The following CDIN1 variants were observed in gnomAD, a reference collection of about 807,000 sequenced individuals.
The protein encoded by CDIN1 is CDAN1-interacting nuclease 1.
A neutral mutation model predicts 45.3 loss-of-function variants in CDIN1; 33 were observed. That is an observed-to-expected ratio of 0.73 (90% CI 0.55 to 0.97). The LOEUF (loss-of-function observed/expected upper bound fraction) is 0.97. Ranked by LOEUF, CDIN1 falls within the 50% of genes least tolerant of loss-of-function variation. The probability of loss-of-function intolerance (pLI) is 0.00; values close to 1 mark genes in which losing one functional copy is unlikely to be tolerated. For synonymous variants in CDIN1, 118 were observed against 124.4 expected, an observed-to-expected ratio of 0.95 and a Z score of 0.34; for missense variants, 303 against 339.4, an observed-to-expected ratio of 0.89 and a Z score of 0.84.
At chr15:36,772,387 C>T (rs1024509286) in intron 10 of CDIN1, among the ~76,000 whole-genome samples, 2 of 152,150 alleles carry the variant, frequency 1.3e-5, no homozygotes, top group African/African-American at 4.8e-5. Flanking sequence ...ACATAATGTA[C>T]AATATTTATA....
chr15:36,674,405 A>G (rs995870821), intron 5 of CDIN1, among the ~76,000 whole-genome samples: 50 of 152,156 alleles, frequency 3.3e-4, no homozygotes, highest in African/African-American at 1.0e-3. Flanking sequence ...GGTCCTTCAT[A>G]GAAAGGAAAA....
chr15:36,739,111 G>T (rs1410820988), intron 10 of CDIN1, among the ~76,000 whole-genome samples: 2 of 152,204 alleles, frequency 1.3e-5, no homozygotes, highest in Non-Finnish European at 1.5e-5. Context: ...AAGAAAACAA[G>T]GCTGGGTGCA....
rs2140451280 is a variant in CDIN1 at position 36,654,107 on chromosome 15, T to A, written c.222T>A (p.Asn74Lys). The A allele has an allele frequency of 1.3e-6, 2 of 1,578,590 alleles. No homozygotes were observed. Among genetic ancestry groups the A allele is most frequent in the African/African-American group, 1.3e-5 (1 of 74,622 alleles). Reference sequence around the variant, plus strand: ...GCTTTGTCTTGTCTAGGTACCTGAATGGAGTGGTGAAAAATGGAGCTGCCC... The same window carrying A: ...GCTTTGTCTTGTCTAGGTACCTGAAAGGAGTGGTGAAAAATGGAGCTGCCC... Reference protein sequence around the residue: ...AIESYYQRYLNGVVKNGAAPV... With the variant: ...AIESYYQRYLKGVVKNGAAPV... Residue 74 changes from asparagine (N) to lysine (K), a missense_variant, in exon 4 of 11, where the codon AAT (asparagine) becomes AAA (lysine). By Grantham distance (94) the Asn-to-Lys change is moderately conservative. Coordinates refer to ENST00000566621, the MANE Select transcript of CDIN1 (RefSeq NM_001321759.2).
chr15:36,640,933 C>T (rs890676714), intron 1 of CDIN1, among the ~76,000 whole-genome samples: 1 of 152,144 alleles, frequency 6.6e-6, no homozygotes, highest in African/African-American at 2.4e-5. Context: ...AAATAGTACC[C>T]CGTTAATGTT....
chr15:36,760,647 C>G (rs1161795844), intron 10 of CDIN1, among the ~76,000 whole-genome samples: 1 of 152,194 alleles, frequency 6.6e-6, no homozygotes, highest in Non-Finnish European at 1.5e-5. Flanking sequence ...CATCCCGCAC[C>G]TGAGGCCTCC....
chr15:36,599,037 C>T (rs557579846), intron 1 of CDIN1, among the ~76,000 whole-genome samples: 16 of 151,058 alleles, frequency 1.1e-4, no homozygotes, highest in Admixed American at 2.0e-4. Flanking sequence ...TTCTTGCTAA[C>T]TTTCTGATGT....
intron 1 of CDIN1, chr15:36,617,075 G>A (rs2140296062): frequency 1.3e-6 from 1 of 783,920 alleles, no homozygotes; most frequent in Non-Finnish European, 2.4e-6. Context: ...CGATTGGGCC[G>A]AGCAGAGGAC....
chr15:36,691,263 A>T (rs1250638806), intron 5 of CDIN1: 2 of 502,220 alleles, frequency 4.0e-6, no homozygotes, highest in South Asian at 2.9e-5. Context: ...GAGTTTAGTG[A>T]AGACAGGTCA....
intron 5 of CDIN1, chr15:36,669,120 G>A (rs2041355471): frequency 6.6e-6 from 1 of 152,030 alleles, no homozygotes. Flanking sequence ...AATTAATTAT[G>A]GTCTTATGAA....
chr15:36,675,315 G>C (rs1351023980), intron 5 of CDIN1, among the ~76,000 whole-genome samples: 2 of 152,068 alleles, frequency 1.3e-5, no homozygotes, highest in African/African-American at 4.8e-5. Context: ...CCTCATCCCT[G>C]TCTTCAACTG....
intron 5 of CDIN1, chr15:36,668,998 A>G (rs2041350776): frequency 6.6e-6 from 1 of 152,110 alleles, no homozygotes; most frequent in South Asian, 2.1e-4. Context: ...ATGAAGGATT[A>G]ATTTCCCTTC....
chr15:36,638,069 G>T (rs2039972252), intron 1 of CDIN1, among the ~76,000 whole-genome samples: 1 of 152,102 alleles, frequency 6.6e-6, no homozygotes, highest in Non-Finnish European at 1.5e-5. Flanking sequence ...CTGTGCATTT[G>T]TTCCACGTGG....
At chr15:36,803,644 A>G (rs921242524) in intron 10 of CDIN1, among the ~76,000 whole-genome samples, 8 of 152,180 alleles carry the variant, frequency 5.3e-5, no homozygotes, top group African/African-American at 1.7e-4. Flanking sequence ...ATCAAAATCT[A>G]ATTCTTGGCT....
chr15:36,713,682 C>G (rs2140849884), intron 10 of CDIN1, among the ~76,000 whole-genome samples: 1 of 152,248 alleles, frequency 6.6e-6, no homozygotes, highest in African/African-American at 2.4e-5. Flanking sequence ...TCCCCTCTGC[C>G]TGTTTTTCTG....
At chr15:36,710,335 A>C (rs1468682415) in intron 10 of CDIN1, among the ~76,000 whole-genome samples, 1 of 152,124 alleles carries the variant, frequency 6.6e-6, no homozygotes, top group Non-Finnish European at 1.5e-5. Flanking sequence ...ATTTATCCTC[A>C]GCTCTCTGAG....
chr15:36,766,779 C>A (rs11073195), intron 10 of CDIN1, among the ~76,000 whole-genome samples: 1 of 152,216 alleles, frequency 6.6e-6, no homozygotes, highest in South Asian at 2.1e-4. Flanking sequence ...TGGGATTTTT[C>A]TTGTTATTTG....
In CDIN1 at chr15:36,790,674, A is replaced by G. The variant is rs555563072; in HGVS notation, c.717-17650A>G. The stretch of plus-strand genomic sequence containing the variant: ...AAATATTATGTATCAATTTTAAAAA[A>G]TATTAAAGGTTGAGATGACCAATTT... On this transcript the variant is annotated intron_variant, in intron 10 of 10. Coordinates refer to ENST00000566621, the MANE Select transcript of CDIN1 (RefSeq NM_001321759.2). Among the ~76,000 whole-genome samples the G allele has an allele frequency of 4.4e-3, 677 of 152,376 alleles. 7 individuals carry two copies. The highest frequency in any genetic ancestry group is 5.8e-3 in the Non-Finnish European group (392 of 68,034).
intron 5 of CDIN1, among the ~76,000 whole-genome samples, chr15:36,664,750 G>T (rs1420779970): frequency 6.6e-6 from 1 of 152,094 alleles, no homozygotes; most frequent in Admixed American, 6.5e-5. Context: ...GTTTCACCAT[G>T]TTAGCCAGGA....
chr15:36,731,395 C>T (rs551919232), intron 10 of CDIN1, among the ~76,000 whole-genome samples: 1 of 152,146 alleles, frequency 6.6e-6, no homozygotes, highest in South Asian at 2.1e-4. Flanking sequence ...TACTGTCATT[C>T]ACTTCATATG....
Sources: gnomAD v4.1 joint callset for allele counts (sites outside exome capture counted in the v4.1 genomes callset) on GRCh38, gnomAD v4.1.1 for gene constraint, MANE v1.5 for transcripts, NCBI Gene and HGNC (gene_info 2026-07-23, HGNC 2026-07-21) for gene names.